The following WDR72 variants were observed in gnomAD, a reference collection of about 807,000 sequenced individuals.
WDR72 encodes WD repeat-containing protein 72.
A neutral mutation model predicts 124.2 loss-of-function variants in WDR72; 120 were observed. The observed-to-expected ratio is 0.97, with a 90% CI of 0.83 to 1.12. The LOEUF is 1.12. Among genes scored for constraint, WDR72 ranks in the 50% most tolerant of loss-of-function variants. The probability of loss-of-function intolerance (pLI) is 0.00; values close to 1 mark genes in which losing one functional copy is unlikely to be tolerated. For synonymous variants in WDR72, 452 were observed against 441.7 expected (o/e 1.02, Z -0.29); for missense variants, 1,387 against 1,278.8 (o/e 1.08, Z -1.29).
chr15:53,653,552 GT>G (rs545664972), intron 14 of WDR72, among the ~76,000 whole-genome samples: 1 of 152,140 alleles, frequency 6.6e-6, no homozygotes, highest in Admixed American at 6.5e-5. Flanking sequence ...AAATATCTGG[GT>G]CATGGGACTG....
chr15:53,594,743 G>A (rs1449433573), intron 18 of WDR72, among the ~76,000 whole-genome samples: 1 of 151,678 alleles, frequency 6.6e-6, no homozygotes, highest in Non-Finnish European at 1.5e-5. Flanking sequence ...AGTGAGCTAT[G>A]ATCATGCCAC....
intron 6 of WDR72, 80 bp downstream of exon 6, chr15:53,714,353 AT>A: frequency 1.8e-6 from 2 of 1,116,152 alleles, no homozygotes; most frequent in Non-Finnish European, 2.7e-6. Flanking sequence ...GACAATAAAC[AT>A]GTAATAGCCT....
At chr15:53,619,264 T>TTGTGTGTGTGTGTGTGTGTGTGTGTG (rs3081256) in intron 14 of WDR72, among the ~76,000 whole-genome samples, 1 of 147,404 alleles carries the variant, frequency 6.8e-6, no homozygotes, top group African/African-American at 2.5e-5. Context: ...TGCTTTATAA[T>TTGTGTGTGTGTGTGTGTGTGTGTGTG]TGTGTGTGTG....
At chr15:53,660,208 AAT>A (rs2015562601) in intron 14 of WDR72, among the ~76,000 whole-genome samples, 1 of 148,696 alleles carries the variant, frequency 6.7e-6, no homozygotes, top group Non-Finnish European at 1.5e-5. Context: ...TTTTAAAATA[AAT>A]ATTTGTTCTT....
Position 53,633,316 on chromosome 15 carries a change from G to A in WDR72, c.1963-17073C>T, listed in dbSNP as rs139365069. ...CTCTTCTGCTTCAGCCATGTAAGAC[G>A]TGCCTACGTCCCCTTCACCTTCTGC... On this transcript the variant is annotated intron_variant, in intron 14 of 19. Coordinates refer to ENST00000360509, the MANE Select transcript of WDR72 (RefSeq NM_182758.4). Among the ~76,000 whole-genome samples, 251 of 152,218 alleles carry A rather than the reference G, an allele frequency of 1.6e-3. 3 individuals carry two copies. The highest frequency in any genetic ancestry group is 5.3e-3 in the African/African-American group (221 of 41,544).
intron 18 of WDR72, among the ~76,000 whole-genome samples, chr15:53,529,164 A>ATATATATATATATATATT (rs59003623): frequency 2.6e-5 from 2 of 78,166 alleles, no homozygotes; most frequent in African/African-American, 1.0e-4. Context: ...ATATATATAT[A>ATATATATATATATATATT]TTTTTTTTTT....
chr15:53,688,808 C>T (rs575585950), intron 13 of WDR72, among the ~76,000 whole-genome samples: 6,782 of 151,946 alleles, frequency 0.045, 533 homozygotes, highest in African/African-American at 0.16. Flanking sequence ...TACCTGACTT[C>T]AAACTATACT....
chr15:53,726,210 ATATG>A (rs148131780), intron 2 of WDR72, among the ~76,000 whole-genome samples: 6,516 of 143,378 alleles, frequency 0.045, 529 homozygotes, highest in African/African-American at 0.16. Context: ...GTGTATATAT[ATATG>A]TATGTGTATA....
At chr15:53,573,853 A>G (rs1044485336) in intron 18 of WDR72, among the ~76,000 whole-genome samples, 1 of 152,156 alleles carries the variant, frequency 6.6e-6, no homozygotes, top group African/African-American at 2.4e-5. Flanking sequence ...GCCAACATCA[A>G]CTGTTTCATT....
At chr15:53,555,205 T>G (rs1395490436) in intron 18 of WDR72, among the ~76,000 whole-genome samples, 1 of 98,956 alleles carries the variant, frequency 1.0e-5, no homozygotes. Flanking sequence ...TGTGAAGCCA[T>G]TTAAGATAAA....
chr15:53,682,961 C>A (rs1197136977), intron 13 of WDR72, among the ~76,000 whole-genome samples: 1 of 152,046 alleles, frequency 6.6e-6, no homozygotes, highest in East Asian at 1.9e-4. Flanking sequence ...ACTGTGGAAG[C>A]CTCAGGAAAC....
chr15:53,665,699 A>G lies in WDR72; in HGVS notation c.1835T>C (p.Leu612Pro). 1.2e-6 allele frequency: 2 copies of G among 1,613,930 alleles called. No homozygotes were observed. The highest frequency in any genetic ancestry group is 1.7e-6 in the Non-Finnish European group (2 of 1,179,854). ...GGCAATGGGAAGTACAGACTTCACAAGCTGTGAATCATCACAACAATTAAG... is the reference window on the plus strand; with the variant it reads ...GGCAATGGGAAGTACAGACTTCACAGGCTGTGAATCATCACAACAATTAAG... ...IILNCCDDSQ[L>P]VKSVLPIASE... is the part of the protein sequence containing the mutation. The change falls in exon 14 of 20, where the codon CTT (leucine) becomes CCT (proline). Residue 612 changes from leucine (L) to proline (P), a missense_variant. Transcript: ENST00000360509.
At chr15:53,678,606 A>G (rs2016260387) in intron 13 of WDR72, among the ~76,000 whole-genome samples, 1 of 152,254 alleles carries the variant, frequency 6.6e-6, no homozygotes, top group Admixed American at 6.5e-5. Flanking sequence ...GGAGTCTTAC[A>G]GAACAGAGAC....
At chr15:53,749,374 G>A (rs2018720201) in intron 1 of WDR72, among the ~76,000 whole-genome samples, 2 of 151,802 alleles carry the variant, frequency 1.3e-5, no homozygotes, top group African/African-American at 2.4e-5. Context: ...TAATTGTTTT[G>A]GGGTGCCATA....
chr15:53,665,388 C>T (rs2015742431), intron 14 of WDR72, among the ~76,000 whole-genome samples, 184 bp downstream of exon 14: 1 of 152,054 alleles, frequency 6.6e-6, no homozygotes, highest in African/African-American at 2.4e-5. Flanking sequence ...AAAAATCATG[C>T]CATAGTAAGT....
At chr15:53,585,834 C>T (rs1489050785) in intron 18 of WDR72, among the ~76,000 whole-genome samples, 1 of 152,008 alleles carries the variant, frequency 6.6e-6, no homozygotes, top group Non-Finnish European at 1.5e-5. Flanking sequence ...CAACTGGAAG[C>T]TGTCAGATAG....
chr15:53,741,233 G>C (rs922003407), intron 1 of WDR72, among the ~76,000 whole-genome samples: 4 of 152,128 alleles, frequency 2.6e-5, no homozygotes, highest in Admixed American at 6.5e-5. Flanking sequence ...TAAAAGACAA[G>C]GAATTTGGAG....
chr15:53,741,326 A>T (rs1313801206), intron 1 of WDR72, among the ~76,000 whole-genome samples: 2 of 152,350 alleles, frequency 1.3e-5, no homozygotes, highest in South Asian at 4.1e-4. Flanking sequence ...ACCAAATTAG[A>T]AAACAAAATG....
At chr15:53,716,797 G>T in intron 3 of WDR72, 112 bp from the exon 4 acceptor site, 1 of 686,020 alleles carries the variant, frequency 1.5e-6, no homozygotes, top group South Asian at 1.6e-5. Flanking sequence ...GTGGCTTTTT[G>T]TTACAGATTT....
Sources: gnomAD v4.1 joint callset for allele counts (sites outside exome capture counted in the v4.1 genomes callset) on GRCh38, gnomAD v4.1.1 for gene constraint, MANE v1.5 for transcripts, NCBI Gene and HGNC (gene_info 2026-07-23, HGNC 2026-07-21) for gene names.